The following LIMA1 variants were observed in gnomAD, a reference collection of about 807,000 sequenced individuals.
LIMA1 encodes LIM domain and actin-binding protein 1.
A neutral mutation model predicts 62.6 loss-of-function variants in LIMA1; 52 were observed. The ratio of observed to expected loss-of-function variants is 0.83; its 90% CI spans 0.67 to 1.05. The LOEUF is 1.05. LIMA1 is among the 50% of genes least tolerant of loss of function. The pLI is 0.00. For synonymous variants in LIMA1, 302 were observed against 317.8 expected, an observed-to-expected ratio of 0.95 and a Z score of 0.53; for missense variants, 780 against 902.2, an observed-to-expected ratio of 0.86 and a Z score of 1.74.
intron 1 of LIMA1, among the ~76,000 whole-genome samples, chr12:50,273,594 A>T (rs574497073): frequency 9.6e-4 from 146 of 152,330 alleles, no homozygotes; most frequent in African/African-American, 3.4e-3. Context: ...TAACCAATGA[A>T]AAGAAATAGA....
At chr12:50,231,912 C>T (rs2138587727) in intron 2 of LIMA1, among the ~76,000 whole-genome samples, 2 of 152,078 alleles carry the variant, frequency 1.3e-5, no homozygotes, top group South Asian at 4.2e-4. Context: ...GGATTACAGG[C>T]ACCCACCACC....
At chr12:50,239,934 C>T (rs574197507) in intron 2 of LIMA1, among the ~76,000 whole-genome samples, 7 of 151,936 alleles carry the variant, frequency 4.6e-5, no homozygotes, top group Non-Finnish European at 1.0e-4. Context: ...TTTGAGGATG[C>T]AGTGTGCCGT....
At chr12:50,213,322 T>C (rs1479498048) in intron 4 of LIMA1, among the ~76,000 whole-genome samples, 1 of 152,258 alleles carries the variant, frequency 6.6e-6, no homozygotes, top group East Asian at 1.9e-4. Flanking sequence ...TTCAAAGATA[T>C]GTAGGGCCCA....
At chr12:50,233,223 C>A (rs1941639641) in intron 2 of LIMA1, among the ~76,000 whole-genome samples, 1 of 152,208 alleles carries the variant, frequency 6.6e-6, no homozygotes, top group African/African-American at 2.4e-5. Context: ...TGATCTCTGG[C>A]AAGTGACTTA....
intron 1 of LIMA1, among the ~76,000 whole-genome samples, chr12:50,281,202 T>C (rs1224512325): frequency 6.6e-6 from 1 of 152,196 alleles, no homozygotes; most frequent in African/African-American, 2.4e-5. Flanking sequence ...ACGAGGGCTC[T>C]AAGTTAATTG....
In LIMA1 at chr12:50,245,884, A is replaced by T. The variant is rs139535305; in HGVS notation, c.119+2749T>A. 1.5e-4 allele frequency among the ~76,000 whole-genome samples: 23 copies of T among 152,318 alleles called. No homozygotes were observed. The East Asian group carries it at 3.9e-3, about 26-fold the overall frequency. ...ATGAATGGGAAACATTATTGGAGAT[A>T]TAGAAGAGTAGCAACCCTGGCCCCC... is the stretch of plus-strand genomic sequence containing the variant. On this transcript the variant is annotated intron_variant, in intron 2 of 10. Transcript: ENST00000341247.
intron 9 of LIMA1, chr12:50,189,694 G>A (rs756831962): frequency 2.6e-5 from 4 of 152,118 alleles, no homozygotes; most frequent in East Asian, 1.9e-4. Context: ...AGGAAAAGAC[G>A]ACTTTTAAAA....
intron 2 of LIMA1, among the ~76,000 whole-genome samples, chr12:50,246,789 T>A (rs1483803715): frequency 6.6e-6 from 1 of 152,198 alleles, no homozygotes; most frequent in African/African-American, 2.4e-5. Flanking sequence ...AATCCTTTGC[T>A]TCAATCTCCT....
intron 2 of LIMA1, among the ~76,000 whole-genome samples, chr12:50,233,525 A>G (rs1941643294): frequency 6.6e-6 from 1 of 152,120 alleles, no homozygotes; most frequent in Non-Finnish European, 1.5e-5. Flanking sequence ...ATGGTACTAC[A>G]TGGTTTTGTT....
intron 4 of LIMA1, chr12:50,218,433 C>T (rs1941385698): frequency 6.6e-6 from 1 of 152,226 alleles, no homozygotes; most frequent in Non-Finnish European, 1.5e-5. Flanking sequence ...CCCAAATCCA[C>T]ATTCTGCAAG....
At chr12:50,279,923 G>C (rs1458385555) in intron 1 of LIMA1, among the ~76,000 whole-genome samples, 1 of 152,096 alleles carries the variant, frequency 6.6e-6, no homozygotes, top group African/African-American at 2.4e-5. Context: ...CTAAAACTAA[G>C]TAAAGCGGAT....
chr12:50,235,219 C>T (rs1941674084), intron 2 of LIMA1, among the ~76,000 whole-genome samples: 1 of 151,856 alleles, frequency 6.6e-6, no homozygotes, highest in Admixed American at 6.6e-5. Context: ...CAGGCATGAG[C>T]CACCATGCCC....
At chr12:50,220,901 T>G (rs569843940) in intron 4 of LIMA1, among the ~76,000 whole-genome samples, 51 of 152,178 alleles carry the variant, frequency 3.4e-4, no homozygotes, top group Admixed American at 3.0e-3. Flanking sequence ...CACAGAGAAG[T>G]GTTGTAGCTT....
chr12:50,280,142 G>GTTTT (rs1377385556), intron 1 of LIMA1, among the ~76,000 whole-genome samples: 43 of 95,786 alleles, frequency 4.5e-4, no homozygotes, highest in South Asian at 8.0e-4. Flanking sequence ...CAGGGTAGTA[G>GTTTT]TATTTTTTTT....
chr12:50,217,019 T>G (rs1941356103), intron 4 of LIMA1, among the ~76,000 whole-genome samples: 1 of 152,100 alleles, frequency 6.6e-6, no homozygotes, highest in African/African-American at 2.4e-5. Flanking sequence ...CAATGCCACC[T>G]TCCTTTTATT....
intron 4 of LIMA1, among the ~76,000 whole-genome samples, chr12:50,212,342 G>T (rs758946068): frequency 2.0e-4 from 31 of 152,230 alleles, no homozygotes; most frequent in Middle Eastern, 3.4e-3. Flanking sequence ...AAAGTCAAGG[G>T]CAGAGGAAGG....
chr12:50,221,477 T>G (rs1015165154), intron 4 of LIMA1, among the ~76,000 whole-genome samples: 2 of 152,216 alleles, frequency 1.3e-5, no homozygotes, highest in Non-Finnish European at 1.5e-5. Context: ...CCGAAAGCTA[T>G]AGCTAGTCTG....
intron 9 of LIMA1, among the ~76,000 whole-genome samples, chr12:50,191,805 G>A (rs1940779977): frequency 6.6e-6 from 1 of 151,896 alleles, no homozygotes; most frequent in Non-Finnish European, 1.5e-5. Context: ...CTGGGCGACA[G>A]AGCGAGACTC....
intron 7 of LIMA1, among the ~76,000 whole-genome samples, chr12:50,197,447 C>A (rs1445516947): frequency 1.3e-5 from 2 of 151,886 alleles, no homozygotes; most frequent in Non-Finnish European, 2.9e-5. Flanking sequence ...AGGCAAACAG[C>A]CAAAAGGATA....
Sources: allele counts gnomAD v4.1 joint callset (sites outside exome capture counted in the v4.1 genomes callset), GRCh38; gene constraint gnomAD v4.1.1; transcripts MANE v1.5; gene names NCBI Gene and HGNC (gene_info 2026-07-23, HGNC 2026-07-21).